Variants in KCNIP4 observed in about 807,000 individuals in gnomAD.
KCNIP4 encodes the protein potassium voltage-gated channel interacting protein 4, also known as Kv channel-interacting protein 4.
A neutral mutation model predicts 34.0 loss-of-function variants in KCNIP4; 12 were observed. That is an observed-to-expected ratio of 0.35 (90% confidence interval 0.23 to 0.57). The LOEUF (loss-of-function observed/expected upper bound fraction) is 0.57, where lower values mean the gene tolerates loss of function less well. Ranked by LOEUF, KCNIP4 falls within the 20% of genes least tolerant of loss-of-function variation. KCNIP4 has a pLI of 0.83. For missense variants in KCNIP4, 238 were observed against 311.7 expected (o/e 0.76, Z 1.78); for synonymous variants, 124 against 102.2 (o/e 1.21, Z -1.29).
intron 1 of KCNIP4, among the ~76,000 whole-genome samples, chr4:21,385,643 C>A (rs1721960705): frequency 6.6e-6 from 1 of 152,142 alleles, no homozygotes; most frequent in African/African-American, 2.4e-5. Context: ...TAGGATTCAG[C>A]CACATAAGGA....
chr4:21,931,143 A>ACAACATCTCTAACTACAGCC (rs1729539413), intron 1 of KCNIP4, among the ~76,000 whole-genome samples: 1 of 152,080 alleles, frequency 6.6e-6, no homozygotes, highest in South Asian at 2.1e-4. Context: ...TCATTATAGA[A>ACAACATCTCTAACTACAGCC]CAACATCTCT....
rs1560540330 is a variant in KCNIP4, at chr4:21,589,199, T to TACAC, written c.61+359371_61+359372insGTGT. On this transcript the variant is annotated intron_variant, in intron 1 of 8. Coordinates refer to ENST00000382152, the MANE Select transcript of KCNIP4 (RefSeq NM_025221.6). ...ATATATATATATATATATATATATATATGTGTACATATATAAGTACACATG... is the reference window on the plus strand; with the variant it reads ...ATATATATATATATATATATATATATACACATGTGTACATATATAAGTACACATG... Among the ~76,000 whole-genome samples, 5 of 21,774 alleles carry TACAC rather than the reference T, an allele frequency of 2.3e-4. No individual in the cohort carries two copies. The East Asian group carries it at 0.023, about 101-fold the overall frequency. The allele number at this position is 21,774 out of a possible 152,430, so 14.3% of individuals were successfully genotyped here.
intron 1 of KCNIP4, among the ~76,000 whole-genome samples, chr4:21,235,998 A>C (rs1373979933): frequency 1.3e-5 from 2 of 152,154 alleles, no homozygotes; most frequent in African/African-American, 4.8e-5. Flanking sequence ...CATGCTTAAT[A>C]AAAATAAATG....
At chr4:21,714,878 T>C (rs1714116504) in intron 1 of KCNIP4, among the ~76,000 whole-genome samples, 2 of 222 alleles carry the variant, frequency 9.0e-3, no homozygotes, top group South Asian at 0.1. Flanking sequence ...TATTTTATTT[T>C]ATTTTATTTT....
chr4:21,132,382 G>A (rs1003857080), intron 1 of KCNIP4, among the ~76,000 whole-genome samples: 2 of 152,128 alleles, frequency 1.3e-5, no homozygotes, highest in Admixed American at 6.5e-5. Flanking sequence ...GAATGAATAT[G>A]CCGGATTAGG....
chr4:21,302,400 T>C (rs1365493654), intron 1 of KCNIP4, among the ~76,000 whole-genome samples: 4 of 152,186 alleles, frequency 2.6e-5, no homozygotes, highest in Non-Finnish European at 5.9e-5. Flanking sequence ...AATTCTGAGA[T>C]TGTTCCATGA....
chr4:20,886,745 T>C (rs1725356968), intron 1 of KCNIP4, among the ~76,000 whole-genome samples: 1 of 152,176 alleles, frequency 6.6e-6, no homozygotes, highest in South Asian at 2.1e-4. Context: ...CAAAGTTGAC[T>C]GATCCTAACA....
chr4:21,432,844 G>T (rs1245892790), intron 1 of KCNIP4, among the ~76,000 whole-genome samples: 1 of 152,106 alleles, frequency 6.6e-6, no homozygotes, highest in Non-Finnish European at 1.5e-5. Flanking sequence ...AGGTCAGATA[G>T]TTGAACCACA....
intron 1 of KCNIP4, among the ~76,000 whole-genome samples, chr4:20,942,895 C>T (rs1731787146): frequency 1.3e-5 from 2 of 152,208 alleles, no homozygotes; most frequent in South Asian, 4.1e-4. Context: ...TGGTCTCAAA[C>T]TCCTGACCTC....
intron 1 of KCNIP4, among the ~76,000 whole-genome samples, chr4:20,890,092 G>A (rs1725770353): frequency 6.6e-6 from 1 of 152,070 alleles, no homozygotes; most frequent in African/African-American, 2.4e-5. Context: ...TTCCCTGAGG[G>A]GAGGATTCTG....
chr4:21,047,670 A>G (rs940680318), intron 1 of KCNIP4, among the ~76,000 whole-genome samples: 2 of 152,138 alleles, frequency 1.3e-5, no homozygotes, highest in African/African-American at 2.4e-5. Context: ...GGCCTATTTG[A>G]TTTTAGTCTG....
At chr4:21,720,590 G>A (rs1189927271) in intron 1 of KCNIP4, among the ~76,000 whole-genome samples, 1 of 138,128 alleles carries the variant, frequency 7.2e-6, no homozygotes, top group Non-Finnish European at 1.5e-5. Context: ...GTGCAGGTTT[G>A]TTACATATGT....
intron 1 of KCNIP4, among the ~76,000 whole-genome samples, chr4:21,810,364 C>T (rs1265634740): frequency 6.6e-6 from 1 of 152,112 alleles, no homozygotes; most frequent in Non-Finnish European, 1.5e-5. Context: ...CCCCAACCCT[C>T]CCACCTTCTT....
intron 1 of KCNIP4, among the ~76,000 whole-genome samples, chr4:21,325,721 G>A (rs1714973051): frequency 1.3e-5 from 2 of 151,784 alleles, no homozygotes; most frequent in African/African-American, 4.8e-5. Flanking sequence ...CTTTCTTGAT[G>A]TGGGCACTTA....
intron 1 of KCNIP4, among the ~76,000 whole-genome samples, chr4:21,000,826 G>A (rs73245209): frequency 0.074 from 11,316 of 152,190 alleles, 557 homozygotes; most frequent in Admixed American, 0.14. Context: ...TGATCATACA[G>A]ACATGCTTCT....
intron 1 of KCNIP4, among the ~76,000 whole-genome samples, chr4:21,778,439 T>C (rs921716151): frequency 6.6e-6 from 1 of 151,866 alleles, no homozygotes; most frequent in South Asian, 2.1e-4. Context: ...CGCATCATGT[T>C]ACCCAGGCTG....
chr4:21,492,317 C>T (rs572277101), intron 1 of KCNIP4, among the ~76,000 whole-genome samples: 3 of 152,266 alleles, frequency 2.0e-5, no homozygotes, highest in African/African-American at 7.2e-5. Context: ...CTCCGGGACT[C>T]AAGTGATCCA....
chr4:21,005,087 T>C (rs973521577), intron 1 of KCNIP4, among the ~76,000 whole-genome samples: 8 of 152,164 alleles, frequency 5.3e-5, no homozygotes, highest in Non-Finnish European at 1.2e-4. Flanking sequence ...ATATAAAATA[T>C]TGTACTATTA....
intron 1 of KCNIP4, among the ~76,000 whole-genome samples, chr4:21,250,282 A>C (rs998375902): frequency 6.6e-5 from 10 of 152,038 alleles, no homozygotes; most frequent in Non-Finnish European, 1.5e-4. Context: ...AATAAAAATA[A>C]TGCAGAAATT....
Sources: gnomAD v4.1 joint callset for allele counts (sites outside exome capture counted in the v4.1 genomes callset) on GRCh38, gnomAD v4.1.1 for gene constraint, MANE v1.5 for transcripts, NCBI Gene and HGNC (gene_info 2026-07-23, HGNC 2026-07-21) for gene names.